RPS6KC1: variants seen among roughly 807,000 people sequenced by gnomAD.
The protein encoded by RPS6KC1 is ribosomal protein S6 kinase C1.
A neutral mutation model predicts 103.8 loss-of-function variants in RPS6KC1; 54 were observed. That is an observed-to-expected ratio of 0.52 (90% CI 0.42 to 0.65). The LOEUF is 0.65. Ranked by LOEUF, RPS6KC1 falls within the 30% of genes least tolerant of loss-of-function variation. The probability of loss-of-function intolerance (pLI) is 0.00; values close to 1 mark genes in which losing one functional copy is unlikely to be tolerated. For missense variants in RPS6KC1, 1,151 were observed against 1,253.8 expected (o/e 0.92, Z 1.24); for synonymous variants, 439 against 438.7 (o/e 1.00, Z -0.01).
chr1:213,369,341 T>C, the RPS6KC1 span, among the ~76,000 whole-genome samples: 1 of 152,260 alleles, frequency 6.6e-6, no homozygotes, highest in Non-Finnish European at 1.5e-5. Context: ...TGAAAGTCTC[T>C]TCCTAATGAG....
the RPS6KC1 span, among the ~76,000 whole-genome samples, chr1:213,628,559 G>A: frequency 2.0e-5 from 3 of 152,016 alleles, no homozygotes; most frequent in Non-Finnish European, 4.4e-5. Context: ...CATGTGCCAT[G>A]TTGTTGTGCT....
intron 12 of RPS6KC1, among the ~76,000 whole-genome samples, chr1:213,253,284 T>C (rs896997074): frequency 6.6e-6 from 1 of 152,182 alleles, no homozygotes; most frequent in African/African-American, 2.4e-5. Flanking sequence ...ATCTATGTGG[T>C]GCTCCTTTAG....
At chr1:213,460,290 G>A in the RPS6KC1 span, among the ~76,000 whole-genome samples, 1 of 151,966 alleles carries the variant, frequency 6.6e-6, no homozygotes, top group Non-Finnish European at 1.5e-5. Flanking sequence ...ATTTAGGATA[G>A]TTAGCTCTTC....
chr1:213,104,288 C>T (rs1398950829), intron 3 of RPS6KC1, among the ~76,000 whole-genome samples, 166 bp from the exon 4 acceptor site: 2 of 152,108 alleles, frequency 1.3e-5, no homozygotes, highest in African/African-American at 4.8e-5. Context: ...ACTGAGAGTA[C>T]TGCTGATTCT....
the RPS6KC1 span, among the ~76,000 whole-genome samples, chr1:213,621,768 G>A: frequency 1.3e-5 from 2 of 152,170 alleles, no homozygotes; most frequent in South Asian, 4.1e-4. Context: ...CAACTGCAGA[G>A]CATTAAAGTG....
At chr1:213,145,738 G>A (rs2087683114) in intron 6 of RPS6KC1, among the ~76,000 whole-genome samples, 1 of 151,826 alleles carries the variant, frequency 6.6e-6, no homozygotes, top group Non-Finnish European at 1.5e-5. Context: ...TTTTTTGGTA[G>A]GTACATAGTA....
the RPS6KC1 span, among the ~76,000 whole-genome samples, chr1:213,735,545 A>G: frequency 6.6e-6 from 1 of 152,214 alleles, no homozygotes; most frequent in Non-Finnish European, 1.5e-5. Context: ...AAAACTGTCA[A>G]TTACCCTATT....
chr1:213,093,922 T>G (rs1324529350), intron 3 of RPS6KC1, among the ~76,000 whole-genome samples: 1 of 152,208 alleles, frequency 6.6e-6, no homozygotes, highest in Non-Finnish European at 1.5e-5. Flanking sequence ...CTGTGAAGTT[T>G]CTGGTTAGCC....
At chr1:213,536,871 T>C in the RPS6KC1 span, among the ~76,000 whole-genome samples, 7,228 of 152,062 alleles carry the variant, frequency 0.048, 555 homozygotes, top group African/African-American at 0.16. Context: ...ATTAGGGGCT[T>C]ACATACAGGG....
the RPS6KC1 span, among the ~76,000 whole-genome samples, chr1:213,588,172 C>A: frequency 6.6e-6 from 1 of 152,118 alleles, no homozygotes; most frequent in Admixed American, 6.5e-5. Context: ...ACCTCCCGGG[C>A]TCAAGTGATC....
At chr1:213,482,548 T>TTTTTTTTTTTTTG in the RPS6KC1 span, among the ~76,000 whole-genome samples, 2 of 116,252 alleles carry the variant, frequency 1.7e-5, no homozygotes, top group Non-Finnish European at 3.7e-5. Context: ...AGGTTTTTTT[T>TTTTTTTTTTTTTG]TTTTTTTTTT....
At chr1:213,785,976 A>G in the RPS6KC1 span, among the ~76,000 whole-genome samples, 1 of 152,178 alleles carries the variant, frequency 6.6e-6, no homozygotes, top group South Asian at 2.1e-4. Context: ...AGGTAAAGGA[A>G]GCCCTTGGCA....
the RPS6KC1 span, among the ~76,000 whole-genome samples, chr1:213,691,905 A>T: frequency 6.6e-6 from 1 of 152,200 alleles, no homozygotes; most frequent in African/African-American, 2.4e-5. Flanking sequence ...AGGCTCAAGG[A>T]CAAGCGACGC....
At chr1:213,688,864 G>A in the RPS6KC1 span, among the ~76,000 whole-genome samples, 3 of 152,200 alleles carry the variant, frequency 2.0e-5, no homozygotes, top group African/African-American at 4.8e-5. Flanking sequence ...CTCTGTGTAA[G>A]CCTTCCCAGT....
chr1:213,229,038 T>C (rs1198618156), intron 8 of RPS6KC1, among the ~76,000 whole-genome samples: 1 of 152,194 alleles, frequency 6.6e-6, no homozygotes, highest in East Asian at 1.9e-4. Context: ...TTTCAGAGCA[T>C]GCATGGAAGA....
At chr1:213,773,411 T>G in the RPS6KC1 span, among the ~76,000 whole-genome samples, 2 of 149,136 alleles carry the variant, frequency 1.3e-5, no homozygotes, top group African/African-American at 4.9e-5. Flanking sequence ...TATCTATAGA[T>G]ATATCTATAT....
At chr1:213,693,562 AAAC>A in the RPS6KC1 span, among the ~76,000 whole-genome samples, 1 of 152,166 alleles carries the variant, frequency 6.6e-6, no homozygotes, top group Non-Finnish European at 1.5e-5. Context: ...CGGGAAAGGG[AAAC>A]AACACTGAGT....
chr1:213,308,600 T>G, the RPS6KC1 span, among the ~76,000 whole-genome samples: 1 of 152,216 alleles, frequency 6.6e-6, no homozygotes, highest in East Asian at 1.9e-4. Context: ...TATGGGAAAC[T>G]TTTTGAAGCT....
At chr1:213,647,949 G>T in the RPS6KC1 span, among the ~76,000 whole-genome samples, 1 of 152,030 alleles carries the variant, frequency 6.6e-6, no homozygotes, top group Non-Finnish European at 1.5e-5. Flanking sequence ...TTCAACCTTG[G>T]AGTCAACCTG....
Sources: allele counts gnomAD v4.1 joint callset (sites outside exome capture counted in the v4.1 genomes callset), GRCh38; gene constraint gnomAD v4.1.1; transcripts MANE v1.5; gene names NCBI Gene and HGNC (gene_info 2026-07-23, HGNC 2026-07-21).